COL24A1: variants seen among roughly 807,000 people sequenced by gnomAD.
The protein encoded by COL24A1 is collagen type XXIV alpha 1 chain, also known as collagen alpha-1(XXIV) chain.
Under a neutral mutation model 253.9 loss-of-function variants are expected in COL24A1, and 224 were observed. The observed-to-expected ratio is 0.88, with a 90% confidence interval of 0.79 to 0.99. The LOEUF is 0.99. COL24A1 is among the 50% of genes least tolerant of loss of function. The pLI, the probability that COL24A1 is intolerant of heterozygous loss-of-function variation, is 0.00. For synonymous variants in COL24A1, 685 were observed against 673.7 expected, an observed-to-expected ratio of 1.02 and a Z score of -0.26; for missense variants, 2,131 against 2,068.5, an observed-to-expected ratio of 1.03 and a Z score of -0.59.
chr1:86,077,074 A>C (rs556899914), intron 7 of COL24A1, among the ~76,000 whole-genome samples: 1 of 152,316 alleles, frequency 6.6e-6, no homozygotes, highest in Non-Finnish European at 1.5e-5. Context: ...GACAGGAGAA[A>C]ATTTTTGCAA....
chr1:86,149,863 GA>G (rs1264002644), intron 1 of COL24A1, among the ~76,000 whole-genome samples: 1 of 152,222 alleles, frequency 6.6e-6, no homozygotes, highest in African/African-American at 2.4e-5. Flanking sequence ...ACCTGTGTAT[GA>G]AAGCTGATGA....
Position 85,734,856 on chromosome 1 carries a change from T to G in COL24A1, c.4891A>C (p.Thr1631Pro). 1 of 1,614,232 alleles carries G rather than the reference T, an allele frequency of 6.2e-7. No individual in the cohort carries two copies. The highest frequency in any genetic ancestry group is 8.5e-7 in the Non-Finnish European group (1 of 1,180,042). The change falls in exon 59 of 60, where the codon ACA (threonine) becomes CCA (proline). Residue 1631 changes from threonine (T) to proline (P), a missense_variant. Physicochemically the swap from Thr to Pro is conservative, Grantham distance 38. Coordinates refer to ENST00000370571, the MANE Select transcript of COL24A1 (RefSeq NM_152890.7). ...HCLNTPRWTS[T>P]QTSGPGLPIG... ...GGCAATCCTGGGCCACTTGTTTGTG[T>G]GCTTGTCCACCTTGGGGTGTTTAGA...
intron 2 of COL24A1, among the ~76,000 whole-genome samples, chr1:86,132,308 T>G (rs897243241): frequency 6.6e-6 from 1 of 152,220 alleles, no homozygotes; most frequent in African/African-American, 2.4e-5. Context: ...TCTCCCATTC[T>G]GTAGGTTGCC....
chr1:86,121,100 T>C (rs965041561), intron 3 of COL24A1, among the ~76,000 whole-genome samples: 4 of 151,980 alleles, frequency 2.6e-5, no homozygotes, highest in African/African-American at 9.7e-5. Flanking sequence ...ATGAGAACAC[T>C]TGGACACAGG....
intron 57 of COL24A1, among the ~76,000 whole-genome samples, chr1:85,739,190 A>G (rs1323895323): frequency 6.6e-6 from 1 of 152,198 alleles, no homozygotes; most frequent in African/African-American, 2.4e-5. Context: ...GTAAACATAT[A>G]TCTTCTTTCA....
intron 53 of COL24A1, among the ~76,000 whole-genome samples, chr1:85,763,743 C>T (rs566936024): frequency 3.3e-5 from 5 of 152,074 alleles, no homozygotes; most frequent in South Asian, 2.1e-4. Flanking sequence ...GATCCACCTG[C>T]GTTGGCCTCC....
intron 43 of COL24A1, among the ~76,000 whole-genome samples, chr1:85,826,043 T>A (rs1570776339): frequency 7.6e-6 from 1 of 130,868 alleles, no homozygotes; most frequent in Non-Finnish European, 1.7e-5. Context: ...TCTTCTAGGG[T>A]TTTTATGGTT....
intron 11 of COL24A1, among the ~76,000 whole-genome samples, chr1:86,048,324 C>T (rs954897199): frequency 3.9e-5 from 6 of 152,038 alleles, no homozygotes; most frequent in Non-Finnish European, 8.8e-5. Flanking sequence ...ATCTTATTTT[C>T]TTCTGCTTTT....
chr1:86,111,629 T>C (rs12057841), intron 5 of COL24A1, among the ~76,000 whole-genome samples: 26,384 of 152,090 alleles, frequency 0.17, 2,387 homozygotes, highest in South Asian at 0.25. Flanking sequence ...GCAACTGGCT[T>C]GGGTCCCCTT....
intron 19 of COL24A1, among the ~76,000 whole-genome samples, chr1:86,008,593 G>C (rs925290150): frequency 6.6e-6 from 1 of 152,162 alleles, no homozygotes; most frequent in African/African-American, 2.4e-5. Context: ...ACCAGGAACA[G>C]AGCAAGGATG....
At chr1:85,997,736 G>A (rs986782842) in intron 19 of COL24A1, among the ~76,000 whole-genome samples, 4 of 149,240 alleles carry the variant, frequency 2.7e-5, no homozygotes, top group African/African-American at 7.4e-5. Flanking sequence ...AGCCAAGATC[G>A]CGCCACTGCA....
At position 85,761,539 on chromosome 1, in the gene COL24A1, C is replaced by T; in HGVS notation, c.4402G>A (p.Gly1468Arg). 6.2e-7 allele frequency: 1 copy of T among 1,614,068 alleles called. No homozygotes were observed. The highest frequency in any genetic ancestry group is 1.1e-5 in the South Asian group (1 of 91,070). Residue 1468 changes from glycine (G) to arginine (R), a missense_variant, in exon 54 of 60, where the codon GGG becomes AGG. Physicochemically the swap from Gly to Arg is moderately radical, Grantham distance 125 (BLOSUM62 -2). Coordinates refer to ENST00000370571, the MANE Select transcript of COL24A1 (RefSeq NM_152890.7). ...AATGAAAACCAACTCACTGGAGGCCCTGGTTGACCTCTTGGTCCTTGAGGA... is the reference window on the plus strand; with the variant it reads ...AATGAAAACCAACTCACTGGAGGCCTTGGTTGACCTCTTGGTCCTTGAGGA... Reference protein sequence around the residue: ...TGPQGPRGQPGPPGPPGAPGP... With the variant: ...TGPQGPRGQPRPPGPPGAPGP...
chr1:86,148,016 A>C (rs1258621057), intron 1 of COL24A1, among the ~76,000 whole-genome samples: 4 of 152,184 alleles, frequency 2.6e-5, no homozygotes, highest in African/African-American at 9.7e-5. Flanking sequence ...ATATGCATTT[A>C]TAACAAGTTC....
chr1:86,127,640 T>C (rs940379490), intron 2 of COL24A1, among the ~76,000 whole-genome samples: 5 of 150,934 alleles, frequency 3.3e-5, no homozygotes, highest in Non-Finnish European at 5.9e-5. Context: ...AATATAATCA[T>C]CTCCAACCAG....
At chr1:85,799,587 C>A (rs1473091466) in intron 47 of COL24A1, among the ~76,000 whole-genome samples, 1 of 152,050 alleles carries the variant, frequency 6.6e-6, no homozygotes, top group African/African-American at 2.4e-5. Flanking sequence ...TTTCACTGAA[C>A]AACAGAATGA....
At chr1:86,142,537 A>G (rs1651291412) in intron 2 of COL24A1, among the ~76,000 whole-genome samples, 1 of 150,294 alleles carries the variant, frequency 6.7e-6, no homozygotes, top group Admixed American at 6.7e-5. Flanking sequence ...AAAAAAACAA[A>G]AAACAAAAAA....
chr1:86,054,299 C>T (rs538942762), intron 10 of COL24A1, among the ~76,000 whole-genome samples: 1 of 151,934 alleles, frequency 6.6e-6, no homozygotes, highest in South Asian at 2.1e-4. Context: ...GCAATTGTAA[C>T]CTAATTAAAC....
At chr1:85,745,096 T>C (rs908138537) in intron 56 of COL24A1, among the ~76,000 whole-genome samples, 1 of 152,034 alleles carries the variant, frequency 6.6e-6, no homozygotes, top group African/African-American at 2.4e-5. Context: ...AAATTACACA[T>C]TGAATCATTA....
intron 47 of COL24A1, among the ~76,000 whole-genome samples, chr1:85,803,579 G>C (rs1025210375): frequency 4.5e-5 from 6 of 134,252 alleles, no homozygotes; most frequent in African/African-American, 1.1e-4. Context: ...TCAGGATATA[G>C]GTTTGCACTT....
Sources: allele counts gnomAD v4.1 joint callset (sites outside exome capture counted in the v4.1 genomes callset), GRCh38; gene constraint gnomAD v4.1.1; transcripts MANE v1.5; gene names NCBI Gene and HGNC (gene_info 2026-07-23, HGNC 2026-07-21).